The following MED13L variants were observed in gnomAD, a reference collection of about 807,000 sequenced individuals.
The protein encoded by MED13L is mediator complex subunit 13L, also known as mediator of RNA polymerase II transcription subunit 13-like.
In MED13L, 7 loss-of-function variants were observed where a neutral mutation model predicts 220.9. The ratio of observed to expected loss-of-function variants is 0.03; its 90% CI spans 0.02 to 0.06. MED13L has a LOEUF of 0.06. Among genes scored for constraint, MED13L ranks in the 10% least tolerant of loss-of-function variants. The pLI is 1.00. For synonymous variants in MED13L, 1,011 were observed against 1,015.2 expected (o/e 1.00, Z 0.08); for missense variants, 1,965 against 2,760.5 (o/e 0.71, Z 6.46).
intron 26 of MED13L, among the ~76,000 whole-genome samples, chr12:115,971,430 G>T (rs980399073): frequency 2.0e-5 from 3 of 152,162 alleles, no homozygotes; most frequent in African/African-American, 7.2e-5. Flanking sequence ...GAATAAGTGG[G>T]GAAGGTCCCC....
intron 2 of MED13L, chr12:116,174,574 C>T (rs1443688942): frequency 4.6e-5 from 7 of 151,704 alleles, no homozygotes; most frequent in South Asian, 2.1e-4. Flanking sequence ...ATTTTGCTAA[C>T]AGATAGGCCC....
chr12:116,038,350 A>G (rs773723321), intron 4 of MED13L, among the ~76,000 whole-genome samples: 1 of 152,110 alleles, frequency 6.6e-6, no homozygotes, highest in Non-Finnish European at 1.5e-5. Context: ...ATCAACTGAC[A>G]CTGAAATACT....
chr12:116,072,395 A>G (rs140524225), intron 4 of MED13L, among the ~76,000 whole-genome samples: 127 of 152,338 alleles, frequency 8.3e-4, no homozygotes, highest in African/African-American at 3.0e-3. Context: ...CACAAACTGA[A>G]TTTTCTAAAG....
intron 4 of MED13L, among the ~76,000 whole-genome samples, chr12:116,027,572 G>C (rs1455916854): frequency 6.6e-6 from 1 of 152,182 alleles, no homozygotes; most frequent in Non-Finnish European, 1.5e-5. Flanking sequence ...GCAATGTGAA[G>C]GCAAGATCTG....
At chr12:116,093,801 C>T (rs1347365158) in intron 4 of MED13L, among the ~76,000 whole-genome samples, 1 of 152,016 alleles carries the variant, frequency 6.6e-6, no homozygotes, top group Non-Finnish European at 1.5e-5. Flanking sequence ...CACTGGGCAA[C>T]AGGTTTTCCT....
At chr12:116,126,367 GCA>G (rs1038025267) in intron 2 of MED13L, among the ~76,000 whole-genome samples, 6 of 152,262 alleles carry the variant, frequency 3.9e-5, no homozygotes, top group African/African-American at 1.2e-4. Flanking sequence ...TTTGGATAGG[GCA>G]CAGTCTGGAG....
rs373811538 is a variant in MED13L, at chr12:116,096,818, A to G, written c.396-66T>C. 28 of 1,102,462 alleles carry G rather than the reference A, an allele frequency of 2.5e-5. No individual in the cohort carries two copies. The East Asian group carries it at 5.7e-4, about 22-fold the overall frequency. The allele number at this position is 1,102,462 out of a possible 1,614,324, so 68.3% of individuals were successfully genotyped here. The stretch of plus-strand genomic sequence containing the variant: ...AACAAATTAGTAAGTCGCTGAAGCA[A>G]TACACCAGATGAGATATATCACCAA... On this transcript the variant is annotated intron_variant, in intron 3 of 30. Coordinates refer to ENST00000281928, the MANE Select transcript of MED13L (RefSeq NM_015335.5).
chr12:116,009,956 C>T (rs140117204), intron 9 of MED13L, among the ~76,000 whole-genome samples: 1,710 of 152,166 alleles, frequency 0.011, 9 homozygotes, highest in African/African-American at 0.028. Flanking sequence ...AAATCATTCC[C>T]GGGGAAAAAT....
chr12:116,241,671 T>C (rs1345491952), intron 1 of MED13L, among the ~76,000 whole-genome samples: 2 of 152,208 alleles, frequency 1.3e-5, no homozygotes, highest in Non-Finnish European at 2.9e-5. Flanking sequence ...TTCTAGCAAG[T>C]GATATCTTTC....
At chr12:116,212,011 C>T (rs1388683376) in intron 2 of MED13L, among the ~76,000 whole-genome samples, 1 of 152,118 alleles carries the variant, frequency 6.6e-6, no homozygotes, top group Non-Finnish European at 1.5e-5. Context: ...TATTAAACTA[C>T]ATATATCACA....
At chr12:116,207,406 GC>G (rs1163163097) in intron 2 of MED13L, among the ~76,000 whole-genome samples, 2 of 152,134 alleles carry the variant, frequency 1.3e-5, no homozygotes, top group African/African-American at 4.8e-5. Context: ...GCTACATAAA[GC>G]CCAGATGTAT....
At chr12:116,011,469 T>A (rs1207548538) in intron 9 of MED13L, among the ~76,000 whole-genome samples, 1 of 152,096 alleles carries the variant, frequency 6.6e-6, no homozygotes, top group East Asian at 1.9e-4. Context: ...AGTGAAAAAA[T>A]CTGGGCTAAG....
At chr12:116,157,675 A>AGGTT (rs1390709470) in intron 2 of MED13L, among the ~76,000 whole-genome samples, 1 of 152,248 alleles carries the variant, frequency 6.6e-6, no homozygotes, top group East Asian at 1.9e-4. Flanking sequence ...TTTCTCACAA[A>AGGTT]GGTGAATACA....
chr12:116,016,120 C>T (rs1021885618), intron 7 of MED13L, among the ~76,000 whole-genome samples: 26 of 152,078 alleles, frequency 1.7e-4, no homozygotes, highest in African/African-American at 6.0e-4. Flanking sequence ...GAATCACTTT[C>T]ACCTATTTGA....
At chr12:116,161,170 C>A (rs1878826538) in intron 2 of MED13L, among the ~76,000 whole-genome samples, 1 of 152,114 alleles carries the variant, frequency 6.6e-6, no homozygotes. Flanking sequence ...GCAGACCCGT[C>A]ATGACCGAAT....
chr12:115,999,924 T>G (rs1395409296), intron 14 of MED13L, among the ~76,000 whole-genome samples: 2 of 152,300 alleles, frequency 1.3e-5, no homozygotes, highest in Non-Finnish European at 2.9e-5. Context: ...TCTTTATCAT[T>G]GTTACTATCA....
chr12:116,113,815 G>A (rs1593059744), intron 2 of MED13L, among the ~76,000 whole-genome samples: 1 of 62,672 alleles, frequency 1.6e-5, no homozygotes, highest in Non-Finnish European at 3.0e-5. Flanking sequence ...GAGGGAGGGG[G>A]GAAGAGGGAG....
chr12:116,182,715 T>G (rs753158577), intron 2 of MED13L, among the ~76,000 whole-genome samples: 4 of 152,218 alleles, frequency 2.6e-5, no homozygotes, highest in Non-Finnish European at 4.4e-5. Context: ...GGTGATAAAC[T>G]TGGAGACCCA....
intron 4 of MED13L, among the ~76,000 whole-genome samples, chr12:116,068,596 CCT>C (rs2137671289): frequency 6.6e-6 from 1 of 152,226 alleles, no homozygotes; most frequent in Admixed American, 6.5e-5. Flanking sequence ...ACCTCTGCTG[CCT>C]CTGTTTATTG....
Sources: gnomAD v4.1 joint callset for allele counts (sites outside exome capture counted in the v4.1 genomes callset) on GRCh38, gnomAD v4.1.1 for gene constraint, MANE v1.5 for transcripts, NCBI Gene and HGNC (gene_info 2026-07-23, HGNC 2026-07-21) for gene names.